Variants in SETD1A observed in about 807,000 individuals in gnomAD.
SETD1A encodes the protein histone-lysine N-methyltransferase SETD1A.
A neutral mutation model predicts 149.9 loss-of-function variants in SETD1A; 29 were observed. That is an observed-to-expected ratio of 0.19 (90% CI 0.14 to 0.26). The LOEUF (loss-of-function observed/expected upper bound fraction) is 0.26. Ranked by LOEUF, SETD1A falls within the 10% of genes least tolerant of loss-of-function variation. SETD1A has a pLI of 1.00. For missense variants in SETD1A, 2,109 were observed against 2,353.1 expected (o/e 0.90, Z 2.15); for synonymous variants, 1,141 against 968.5 (o/e 1.18, Z -3.31).
Position 30,961,929 on chromosome 16 carries a change from G to T in SETD1A, c.517+392G>T, listed in dbSNP as rs1292133024. On this transcript the variant is annotated intron_variant, in intron 4 of 18. Transcript: ENST00000262519. The surrounding 1 kb of genome is among the most constrained non-coding windows in gnomAD (Gnocchi z 4.0). ...AGTGGCGTGATCTTTCCTCACTGCA[G>T]CCTCCAGCTCCTGGGCTCAGCCACC... Among the ~76,000 whole-genome samples, 1 of 152,016 alleles carries T rather than the reference G, an allele frequency of 6.6e-6. No individual in the cohort carries two copies. The highest frequency in any genetic ancestry group is 1.5e-5 in the Non-Finnish European group (1 of 67,978).
chr16:30,972,768 C>T (rs1041768855), intron 13 of SETD1A, among the ~76,000 whole-genome samples: 4 of 150,142 alleles, frequency 2.7e-5, no homozygotes, highest in African/African-American at 9.8e-5. Context: ...GTGGGAGGAT[C>T]ACTTGAGCCC....
At position 30,980,972 on chromosome 16, in the gene SETD1A, A is replaced by T. The variant is rs2056368964; in HGVS notation, c.4693-89A>T. 1 of 1,586,550 alleles carries T rather than the reference A, an allele frequency of 6.3e-7. No individual in the cohort carries two copies. Among genetic ancestry groups the T allele is most frequent in the Admixed American group, 1.7e-5 (1 of 58,988 alleles). On this transcript the variant is annotated intron_variant, in intron 16 of 18. Coordinates refer to ENST00000262519, the MANE Select transcript of SETD1A (RefSeq NM_014712.3). The surrounding 1 kb of genome is among the most constrained non-coding windows in gnomAD (Gnocchi z 7.7). ...GTGGAGTTGGGGGGTAAGCAGCCAG[A>T]ACACCCTCTGCCCAGGAAGTCTGTG...
intron 6 of SETD1A, 138 bp from the exon 7 acceptor site, chr16:30,964,474 G>A: frequency 4.8e-6 from 7 of 1,449,266 alleles, no homozygotes; most frequent in South Asian, 1.3e-5. Flanking sequence ...TGTCCTCGGG[G>A]AACACACTAG....
intron 17 of SETD1A, among the ~76,000 whole-genome samples, chr16:30,981,577 G>A (rs2056378407): frequency 6.6e-6 from 1 of 152,210 alleles, no homozygotes; most frequent in African/African-American, 2.4e-5. Flanking sequence ...GTTTCACCAT[G>A]TTGGCCAGGA....
At chr16:30,974,388 G>T (rs954803174) in intron 13 of SETD1A, among the ~76,000 whole-genome samples, 1 of 152,046 alleles carries the variant, frequency 6.6e-6, no homozygotes, top group African/African-American at 2.4e-5. Flanking sequence ...GACCCAGGTA[G>T]GCGAGTGGGG....
At chr16:30,966,624 G>A (rs1469131224) in intron 8 of SETD1A, among the ~76,000 whole-genome samples, 1 of 152,216 alleles carries the variant, frequency 6.6e-6, no homozygotes, top group African/African-American at 2.4e-5. Context: ...GGCTTGCAGT[G>A]GACAAGGCCC....
intron 12 of SETD1A, among the ~76,000 whole-genome samples, chr16:30,970,267 ATT>A (rs34020035): frequency 1.1e-3 from 135 of 117,726 alleles, no homozygotes; most frequent in Admixed American, 1.5e-3. Flanking sequence ...CCACACCCAG[ATT>A]TTTTTTTTTT....
At chr16:30,959,854 C>T (rs1405636075) in intron 3 of SETD1A, among the ~76,000 whole-genome samples, 1 of 151,962 alleles carries the variant, frequency 6.6e-6, no homozygotes, top group Non-Finnish European at 1.5e-5. Context: ...TATCTGTTTC[C>T]AGCCAACATC....
chr16:30,961,428 C>G lies in SETD1A; in HGVS notation c.408C>G (p.Gly136=). The G allele has an allele frequency of 6.2e-7, 1 of 1,614,214 alleles. No individual in the cohort carries two copies. Among genetic ancestry groups the G allele is most frequent in the Non-Finnish European group, 8.5e-7 (1 of 1,180,036 alleles). Residue 136 remains glycine, a synonymous_variant, in exon 4 of 19, where the codon GGC becomes GGG. Coordinates refer to ENST00000262519, the MANE Select transcript of SETD1A (RefSeq NM_014712.3). The surrounding 1 kb of genome is among the most constrained non-coding windows in gnomAD (Gnocchi z 4.0). ...ACCCCCGTACGCGCAAGCACCTGGG[C>G]CTGGCCCGTGTGCTCTTCACCAGCA... The part of the protein sequence containing the change: ...LLHPRTRKHL[G]LARVLFTSTR...
chr16:30,959,111 C>G lies in SETD1A; in HGVS notation c.171C>G (p.Val57=). 2 of 1,613,002 alleles carry G rather than the reference C, an allele frequency of 1.2e-6. No homozygotes were observed. Among genetic ancestry groups the G allele is most frequent in the Non-Finnish European group, 1.7e-6 (2 of 1,178,992 alleles). Reference sequence around the variant, plus strand: ...CCTAGGACTCAAAGTATATACCAGTCGAAGACCTCCAAGACCCCCGTTGCC... The same window carrying G: ...CCTAGGACTCAAAGTATATACCAGTGGAAGACCTCCAAGACCCCCGTTGCC... ...FSVNDSKYIP[V]EDLQDPRCHV... The change falls in exon 3 of 19, where the codon GTC becomes GTG. Residue 57 remains valine, a synonymous_variant. Coordinates refer to ENST00000262519, the MANE Select transcript of SETD1A (RefSeq NM_014712.3).
rs768224602 is a variant in SETD1A at position 30,965,962 on chromosome 16, G to A, written c.2081G>A (p.Arg694Gln). 58 of 1,601,986 alleles carry A rather than the reference G, an allele frequency of 3.6e-5. No homozygotes were observed. The highest frequency in any genetic ancestry group is 4.6e-5 in the Non-Finnish European group (54 of 1,173,792). The change falls in exon 8 of 19, where the codon CGG becomes CAG. Residue 694 changes from arginine to glutamine, a missense_variant. Physicochemically the swap from Arg to Gln is conservative, Grantham distance 43. This residue lies in a region of SETD1A where 431 missense variants were observed against 388.6 expected (regional missense o/e 1.11). Coordinates refer to ENST00000262519, the MANE Select transcript of SETD1A (RefSeq NM_014712.3). ...TQMLTRLHQLRQGKGLIAASA... is the reference protein window; with the variant it reads ...TQMLTRLHQLQQGKGLIAASA... ...ATGTTAACTCGGCTCCATCAGCTGC[G>A]GCAGGGCAAGGGATTGATTGCCGCC...
chr16:30,969,363 G>A lies in SETD1A; in HGVS notation c.2829G>A (p.Lys943=). ...EPGRPGTKPP[K]RDEERGKTQG... ...GACGTCCGGGGACCAAGCCCCCGAA[G>A]CGGGACGAAGAGCGAGGCAAGACCC... is the stretch of plus-strand genomic sequence containing the variant. Residue 943 remains lysine, a synonymous_variant, in exon 11 of 19, where the codon AAG becomes AAA. Transcript: ENST00000262519. 1 of 1,614,236 alleles carries A rather than the reference G, an allele frequency of 6.2e-7. No individual in the cohort carries two copies. Among genetic ancestry groups the A allele is most frequent in the East Asian group, 2.2e-5 (1 of 44,876 alleles).
rs1380383919 is a variant in SETD1A at position 30,965,214 on chromosome 16, G to A, written c.1472G>A (p.Arg491His). The A allele has an allele frequency of 1.2e-6, 2 of 1,614,016 alleles. No individual in the cohort carries two copies. The highest frequency in any genetic ancestry group is 2.2e-5 in the East Asian group (1 of 44,888). ...GCCCAGCACAGCAGCCTGGATTCCC[G>A]CATCGAGATGCTGCTGAAGGAGCAG... ...PFAQHSSLDS[R>H]IEMLLKEQRS... Residue 491 changes from arginine (R) to histidine (H), a missense_variant, in exon 7 of 19, where the codon CGC (arginine) becomes CAC (histidine). Coordinates refer to ENST00000262519, the MANE Select transcript of SETD1A (RefSeq NM_014712.3).
rs866634550 is a variant in SETD1A at position 30,965,846 on chromosome 16, C to T, written c.1965C>T (p.His655=). The change falls in exon 8 of 19, where the codon CAC becomes CAT. Residue 655 remains histidine (H), a synonymous_variant. Transcript: ENST00000262519. ...EYPPPPPPPP[H]IYDFVNSLEL... Reference sequence around the variant, plus strand: ...CCCCACCTCCTCCACCACCCCCGCACATCTATGACTTTGTGAACTCCTTGG... The same window carrying T: ...CCCCACCTCCTCCACCACCCCCGCATATCTATGACTTTGTGAACTCCTTGG... 1.9e-6 allele frequency: 3 copies of T among 1,610,542 alleles called. No individual in the cohort carries two copies. Among genetic ancestry groups the T allele is most frequent in the Middle Eastern group, 3.3e-4 (2 of 6,050 alleles).
intron 13 of SETD1A, among the ~76,000 whole-genome samples, chr16:30,975,275 A>G (rs1445634125): frequency 6.6e-6 from 1 of 151,828 alleles, no homozygotes; most frequent in Non-Finnish European, 1.5e-5. Context: ...GTACCACTGC[A>G]CTCCAGCCTG....
intron 10 of SETD1A, 37 bp downstream of exon 10, chr16:30,967,625 G>A (rs201120118): frequency 6.3e-7 from 1 of 1,578,848 alleles, no homozygotes; most frequent in South Asian, 1.1e-5. Flanking sequence ...GGGGTGTGCT[G>A]CGTGGGTTCT....
intron 4 of SETD1A, among the ~76,000 whole-genome samples, chr16:30,962,864 G>A (rs1477148715): frequency 6.6e-6 from 1 of 152,248 alleles, no homozygotes; most frequent in East Asian, 1.9e-4. Flanking sequence ...AGAATCACTT[G>A]AACCTGGGAG....
intron 4 of SETD1A, among the ~76,000 whole-genome samples, chr16:30,962,147 C>T (rs1329229158): frequency 6.6e-6 from 1 of 151,200 alleles, no homozygotes. Flanking sequence ...TCACTGCAAC[C>T]TCCACCTCCC....
At chr16:30,960,673 T>G (rs766192733) in intron 3 of SETD1A, among the ~76,000 whole-genome samples, 2 of 151,986 alleles carry the variant, frequency 1.3e-5, no homozygotes, top group Non-Finnish European at 2.9e-5. Flanking sequence ...CATCGCCCTG[T>G]AGCTCGTTCT....
Sources: gnomAD v4.1 joint callset for allele counts (sites outside exome capture counted in the v4.1 genomes callset) on GRCh38, gnomAD v4.1.1 for gene constraint, gnomAD v4.1.1 regional missense constraint, Gnocchi (gnomAD v3.1) non-coding constraint, MANE v1.5 for transcripts, NCBI Gene and HGNC (gene_info 2026-07-23, HGNC 2026-07-21) for gene names.